The following BCAR1 variants were observed in gnomAD, a reference collection of about 807,000 sequenced individuals.
BCAR1 encodes the protein BCAR1 scaffold protein, Cas family member, also known as breast cancer anti-estrogen resistance protein 1.
Under a neutral mutation model 67.6 loss-of-function variants are expected in BCAR1, and 30 were observed. The observed-to-expected ratio is 0.44, with a 90% CI of 0.33 to 0.60. The LOEUF is 0.60. BCAR1 is among the 20% of genes least tolerant of loss of function. BCAR1 has a pLI of 0.02. For missense variants in BCAR1, 1,313 were observed against 1,222.3 expected (o/e 1.07, Z -1.11); for synonymous variants, 626 against 556.7 (o/e 1.12, Z -1.75).
chr16:75,255,026 C>G (rs542175085), upstream of BCAR1, among the ~76,000 whole-genome samples: 1 of 152,320 alleles, frequency 6.6e-6, no homozygotes, highest in East Asian at 1.9e-4. Context: ...TTTATGACAG[C>G]AAAGCATGGA....
chr16:75,250,438 T>G (rs2077642861), intron 1 of BCAR1, among the ~76,000 whole-genome samples: 1 of 151,976 alleles, frequency 6.6e-6, no homozygotes, highest in African/African-American at 2.4e-5. Flanking sequence ...AACATCTCAC[T>G]AGCAAAGAAG....
At chr16:75,237,483 G>C in intron 2 of BCAR1, 139 bp from the exon 3 acceptor site, 3 of 1,047,792 alleles carry the variant, frequency 2.9e-6, no homozygotes, top group Non-Finnish European at 3.9e-6. Flanking sequence ...AAGGATGCCA[G>C]TTCTCACCCC....
At chr16:75,266,806 A>G (rs2151488538) in intron 1 of BCAR1, 1 of 1,417,330 alleles carries the variant, frequency 7.1e-7, no homozygotes, top group Non-Finnish European at 9.3e-7. Context: ...TGGGGTCCAG[A>G]GCACTGTCCC....
In BCAR1 at chr16:75,235,624, C is replaced by T. The variant is rs372593974; in HGVS notation, c.1275G>A (p.Lys425=). 2.7e-5 allele frequency: 44 copies of T among 1,604,202 alleles called. No individual in the cohort carries two copies. Among genetic ancestry groups the T allele is most frequent in the Non-Finnish European group, 3.6e-5 (42 of 1,174,638 alleles). The change falls in exon 5 of 7, where the codon AAG becomes AAA. Residue 425 remains lysine, a synonymous_variant. Coordinates refer to ENST00000162330, the MANE Select transcript of BCAR1 (RefSeq NM_014567.5). The part of the protein sequence containing the change: ...PAEREAPAEG[K]RLSASSTGST... The stretch of plus-strand genomic sequence containing the variant: ...TGCCGGTGCTGGAGGCCGACAGGCG[C>T]TTGCCCTCTGCCGGGGCTTCACGTT...
At chr16:75,241,934 G>A (rs1447501089) in intron 2 of BCAR1, among the ~76,000 whole-genome samples, 1 of 152,170 alleles carries the variant, frequency 6.6e-6, no homozygotes, top group African/African-American at 2.4e-5. Context: ...TCCTCCTCTA[G>A]CAATCTCAGG....
In BCAR1 at chr16:75,229,813, T is replaced by C; in HGVS notation, c.2311A>G (p.Thr771Ala). Residue 771 changes from threonine (T) to alanine (A), a missense_variant, in exon 7 of 7, where the codon ACC (threonine) becomes GCC (alanine). Transcript: ENST00000162330. ...AVDAFFTAVA[T>A]NQPPKIFVAH... The stretch of plus-strand genomic sequence containing the variant: ...ACAAAGATCTTGGGCGGCTGGTTGG[T>C]GGCCACGGCGGTAAAGAAGGCGTCC... 6.2e-7 allele frequency: 1 copy of C among 1,613,516 alleles called. No homozygotes were observed. The highest frequency in any genetic ancestry group is 8.5e-7 in the Non-Finnish European group (1 of 1,179,990).
intron 2 of BCAR1, 133 bp downstream of exon 2, chr16:75,242,337 C>T (rs778970733): frequency 2.0e-5 from 26 of 1,282,622 alleles, no homozygotes; most frequent in Non-Finnish European, 2.5e-5. Flanking sequence ...TCACTTCCCA[C>T]TTTGACCCCA....
rs2077077661 is a variant in BCAR1, at chr16:75,235,432, G to A, written c.1467C>T (p.Ser489=). The A allele has an allele frequency of 3.7e-6, 6 of 1,607,940 alleles. No individual in the cohort carries two copies. The highest frequency in any genetic ancestry group is 3.4e-6 in the Non-Finnish European group (4 of 1,179,298). Residue 489 remains serine (S), a synonymous_variant, in exon 5 of 7, where the codon AGC becomes AGT. Coordinates refer to ENST00000162330, the MANE Select transcript of BCAR1 (RefSeq NM_014567.5). ...DLAGSAGATG[S]WRSPSEPQEP... ...CCTGTGGCTCAGAGGGGCTACGCCA[G>A]CTCCCAGTCGCACCGGCGCTGCCTG... is the stretch of plus-strand genomic sequence containing the variant.
At chr16:75,267,022 A>T (rs146083766) in intron 1 of BCAR1, among the ~76,000 whole-genome samples, 120 of 152,264 alleles carry the variant, frequency 7.9e-4, no homozygotes, top group African/African-American at 2.8e-3. Flanking sequence ...GGATGGAGGA[A>T]GCAGAGCCAG....
chr16:75,235,533 G>C lies in BCAR1; in HGVS notation c.1366C>G (p.Leu456Val), dbSNP rs1212617456. ...GCCAGGGCCTCCACAGCAACTTCCA[G>C]CTCCAGGGGTTCCCGGCCCGGCCCT... ...VAGPGREPLE[L>V]EVAVEALARL... is the part of the protein sequence containing the mutation. The change falls in exon 5 of 7, where the codon CTG (leucine) becomes GTG (valine). Residue 456 changes from leucine (L) to valine (V), a missense_variant. By Grantham distance (32) the Leu-to-Val change is conservative (BLOSUM62 1). Around this residue, in one of 2 missense-constraint regions of BCAR1, gnomAD observed 1,272 missense variants for 1,137.5 expected, o/e 1.12. Transcript: ENST00000162330. 1.3e-6 allele frequency: 2 copies of C among 1,595,306 alleles called. No homozygotes were observed. The highest frequency in any genetic ancestry group is 1.7e-6 in the Non-Finnish European group (2 of 1,171,604).
In BCAR1 at chr16:75,229,956, G is replaced by A. The variant is rs537808369; in HGVS notation, c.2168C>T (p.Thr723Met). Residue 723 changes from threonine (T) to methionine (M), a missense_variant, in exon 7 of 7, where the codon ACG (threonine) becomes ATG (methionine). Coordinates refer to ENST00000162330, the MANE Select transcript of BCAR1 (RefSeq NM_014567.5). ...CCCCGGGGCCAGGGGTTGGGCTGGCGTCCAGTTGGCCAGGTCGTGGTCTAT... is the reference window on the plus strand; with the variant it reads ...CCCCGGGGCCAGGGGTTGGGCTGGCATCCAGTTGGCCAGGTCGTGGTCTAT... ...RPIDHDLANW[T>M]PAQPLAPGRT... The A allele has an allele frequency of 1.1e-5, 18 of 1,596,590 alleles. No homozygotes were observed. The highest frequency in any genetic ancestry group is 1.7e-4 in the Middle Eastern group (1 of 5,992).
intron 1 of BCAR1, chr16:75,246,384 G>T (rs553553897): frequency 6.6e-6 from 1 of 152,380 alleles, no homozygotes; most frequent in South Asian, 2.1e-4. Flanking sequence ...ATACTGTAGT[G>T]GGACAGAAAG....
Position 75,242,502 on chromosome 16 carries a change from G to A in BCAR1, c.601C>T (p.Arg201Cys), listed in dbSNP as rs748548124. ...IYQVPPSMDT[R>C]SWEGTKPPAK... is the part of the protein sequence containing the mutation. ...GGGGGCTTCGTGCCCTCCCAGCTGC[G>A]TGTGTCCATGGACGGGGGGACCTGG... Residue 201 changes from arginine (R) to cysteine (C), a missense_variant, in exon 2 of 7, where the codon CGC (arginine) becomes TGC (cysteine). Physicochemically the swap from Arg to Cys is radical, Grantham distance 180. Transcript: ENST00000162330. 52 of 1,463,546 alleles carry A rather than the reference G, an allele frequency of 3.6e-5. No homozygotes were observed. The highest frequency in any genetic ancestry group is 3.8e-4 in the Middle Eastern group (2 of 5,322). The allele number at this position is 1,463,546 out of a possible 1,614,324, so 90.7% of individuals were successfully genotyped here. A position where few individuals can be genotyped will look rare whatever the true frequency, so the allele number is the denominator to read the frequency against.
At chr16:75,241,649 C>T (rs8048371) in intron 2 of BCAR1, among the ~76,000 whole-genome samples, 133,706 of 152,240 alleles carry the variant, frequency 0.88, 59,150 homozygotes, top group East Asian at 0.98. Context: ...GTCCCCCACC[C>T]GCCAACGACC....
At position 75,233,863 on chromosome 16, in the gene BCAR1, G is replaced by A; in HGVS notation, c.2083C>T (p.Gln695Ter). ...KGSITRQGKSQLELQQLKQFE... is the reference protein window; with the variant it reads ...KGSITRQGKS Reference sequence around the variant, plus strand: ...GGCCTCACCTGCTGCAACTCCAGCTGGCTCTTGCCCTGCCGCGTGATGCTG... The same window carrying A: ...GGCCTCACCTGCTGCAACTCCAGCTAGCTCTTGCCCTGCCGCGTGATGCTG... The change falls in exon 6 of 7, where the codon CAG becomes TAG. Residue 695 changes from glutamine to a stop codon, truncating the protein, a stop_gained. Transcript: ENST00000162330. LOFTEE classifies it high-confidence loss of function. 1 of 1,608,208 alleles carries A rather than the reference G, an allele frequency of 6.2e-7. No homozygotes were observed. The highest frequency in any genetic ancestry group is 8.5e-7 in the Non-Finnish European group (1 of 1,177,540).
chr16:75,230,132 G>T, intron 6 of BCAR1, 109 bp from the exon 7 acceptor site: 1 of 1,346,400 alleles, frequency 7.4e-7, no homozygotes, highest in Non-Finnish European at 1.0e-6. Flanking sequence ...CCGCTACTCA[G>T]AGTGCATGGG....
chr16:75,266,146 G>C, intron 1 of BCAR1: 2 of 560,150 alleles, frequency 3.6e-6, no homozygotes, highest in Non-Finnish European at 4.6e-6. Context: ...GATCCCTCGC[G>C]GGCCACCTCC....
chr16:75,251,303 T>G (rs950983126), intron 1 of BCAR1, among the ~76,000 whole-genome samples, 168 bp downstream of exon 1: 1 of 152,018 alleles, frequency 6.6e-6, no homozygotes, highest in Admixed American at 6.5e-5. Context: ...CCGCGGTTCC[T>G]GCCTCCCGGC....
chr16:75,244,859 G>A (rs1299556653), intron 1 of BCAR1, among the ~76,000 whole-genome samples: 3 of 152,244 alleles, frequency 2.0e-5, no homozygotes, highest in Admixed American at 6.5e-5. Context: ...CAAGTGAAAA[G>A]CACATCTCAA....
Sources: allele counts gnomAD v4.1 joint callset (sites outside exome capture counted in the v4.1 genomes callset), GRCh38; gene constraint gnomAD v4.1.1; regional missense constraint gnomAD v4.1.1; transcripts MANE v1.5; gene names NCBI Gene and HGNC (gene_info 2026-07-23, HGNC 2026-07-21).